ATRX: variants seen among roughly 807,000 people sequenced by gnomAD.
ATRX encodes the protein ATRX chromatin remodeler.
A neutral mutation model predicts 172.6 loss-of-function variants in ATRX; 12 were observed. That is an observed-to-expected ratio of 0.07 (90% CI 0.04 to 0.11). The LOEUF (loss-of-function observed/expected upper bound fraction) is 0.11, where lower values mean the gene tolerates loss of function less well. Among genes scored for constraint, ATRX ranks in the 10% least tolerant of loss-of-function variants. ATRX has a pLI of 1.00. For synonymous variants in ATRX, 674 were observed against 594.7 expected, an observed-to-expected ratio of 1.13 and a Z score of -1.94; for missense variants, 1,368 against 1,767.4, an observed-to-expected ratio of 0.77 and a Z score of 4.05.
intron 30 of ATRX, among the ~76,000 whole-genome samples, chrX:77,526,662 TAAA>T (rs1161472115): frequency 8.9e-6 from 1 of 112,422 alleles, no homozygotes; most frequent in African/African-American, 3.2e-5. Flanking sequence ...AAAGAAAACA[TAAA>T]AACTGAAACA....
At chrX:77,561,306 AACAC>A (rs1203246382) in intron 28 of ATRX, among the ~76,000 whole-genome samples, 1 of 110,720 alleles carries the variant, frequency 9.0e-6, no homozygotes, top group East Asian at 2.8e-4. Context: ...TAGGTTAAAA[AACAC>A]ACATACATAC....
In ATRX at chrX:77,775,485, C is replaced by A. The variant is rs189969701; in HGVS notation, c.20+10497G>T. 1.9e-3 allele frequency among the ~76,000 whole-genome samples: 209 copies of A among 110,414 alleles called. 2 individuals are homozygous for A. The highest frequency in any genetic ancestry group is 2.9e-3 in the Non-Finnish European group (151 of 52,906). On this transcript the variant is annotated intron_variant, in intron 1 of 34. Coordinates refer to ENST00000373344, the MANE Select transcript of ATRX (RefSeq NM_000489.6). ...ATAGCTTGAGTCCAGGAGTTCGATA[C>A]CAGCCTGGGCAACATGGCAAAAACT... is the stretch of plus-strand genomic sequence containing the variant.
chrX:77,663,654 A>G (rs1353781555), intron 11 of ATRX, 96 bp from the exon 12 acceptor site: 21 of 736,494 alleles, frequency 2.9e-5, no homozygotes, highest in Non-Finnish European at 2.0e-6. Context: ...ACTTATGAAA[A>G]AAATCAGAGT....
At position 77,558,768 on chromosome X, in the gene ATRX, G is replaced by A. The variant is rs148659669; in HGVS notation, c.6405C>T (p.Phe2135=). Residue 2135 remains phenylalanine, a synonymous_variant, in exon 29 of 35, where the codon TTC becomes TTT. Transcript: ENST00000373344. ...NLVAANRVII[F]DASWNPSYDI... ...CATAAGATGGATTCCAAGAAGCGTC[G>A]AATATAATTACTCGATTAGCAGCTA... The A allele has an allele frequency of 1.4e-4, 165 of 1,200,502 alleles. No individual in the cohort carries two copies. The Admixed American group carries it at 2.7e-3, about 20-fold the overall frequency.
intron 1 of ATRX, among the ~76,000 whole-genome samples, chrX:77,758,280 C>T (rs2075584238): frequency 9.3e-6 from 1 of 107,472 alleles, no homozygotes; most frequent in Non-Finnish European, 1.9e-5. Flanking sequence ...ATCCCAGCTA[C>T]TCTGGAAGCT....
In ATRX at chrX:77,683,947, C is replaced by G; in HGVS notation, c.1309G>C (p.Ala437Pro). Residue 437 changes from alanine (A) to proline (P), a missense_variant, in exon 9 of 35, where the codon GCT becomes CCT. Ala to Pro is a conservative substitution (Grantham distance 27). Coordinates refer to ENST00000373344, the MANE Select transcript of ATRX (RefSeq NM_000489.6). ...KNTKEHKVID[A>P]KFETKARKGE... ...TTTCGTGCTTTTGTTTCAAACTTAG[C>G]ATCTATGACTTTATGCTCTTTGGTA... 2 of 1,210,549 alleles carry G rather than the reference C, an allele frequency of 1.7e-6. No individual in the cohort carries two copies. Among genetic ancestry groups the G allele is most frequent in the Non-Finnish European group, 1.1e-6 (1 of 894,684 alleles).
chrX:77,684,652 G>T (rs898833731), intron 8 of ATRX, 59 bp from the exon 9 acceptor site: 7 of 1,092,359 alleles, frequency 6.4e-6, no homozygotes, highest in Non-Finnish European at 8.8e-6. Context: ...GAAAAGATAT[G>T]TAAAAAAATA....
chrX:77,537,541 A>C (rs2063793353), intron 30 of ATRX, among the ~76,000 whole-genome samples: 1 of 111,182 alleles, frequency 9.0e-6, no homozygotes, highest in African/African-American at 3.3e-5. Flanking sequence ...AAGAAAAAAA[A>C]AGAAAGAAAA....
At chrX:77,672,505 C>G (rs2070675866) in intron 10 of ATRX, among the ~76,000 whole-genome samples, 1 of 109,217 alleles carries the variant, frequency 9.2e-6, no homozygotes, top group Admixed American at 9.8e-5. Flanking sequence ...AACAGCATAC[C>G]CACACCAAGC....
intron 34 of ATRX, among the ~76,000 whole-genome samples, chrX:77,514,007 A>G (rs928625939): frequency 1.8e-5 from 2 of 111,165 alleles, no homozygotes; most frequent in Admixed American, 1.9e-4. Flanking sequence ...CCCATTCACA[A>G]CTGCCACAAT....
chrX:77,779,513 A>C (rs781803693), intron 1 of ATRX, among the ~76,000 whole-genome samples: 3 of 111,436 alleles, frequency 2.7e-5, no homozygotes, highest in Non-Finnish European at 5.6e-5. Flanking sequence ...TCTCCTTTGC[A>C]AAACTTTCCT....
chrX:77,738,954 C>A lies in ATRX; in HGVS notation c.21-21711G>T, dbSNP rs782329365. ...CTTTTTCATCTTTGTTCTTTGCCAT[C>A]TTTGTTACTGTCTTATTTACATTTG... On this transcript the variant is annotated intron_variant, in intron 1 of 34. Transcript: ENST00000373344. Among the ~76,000 whole-genome samples the A allele has an allele frequency of 5.4e-5, 6 of 111,662 alleles. No individual in the cohort carries two copies. The South Asian group carries it at 2.2e-3, about 42-fold the overall frequency.
In ATRX at chrX:77,772,871, G is replaced by A. The variant is rs782533179; in HGVS notation, c.20+13111C>T. Among the ~76,000 whole-genome samples, 459 of 103,565 alleles carry A rather than the reference G, an allele frequency of 4.4e-3. 2 individuals carry two copies. The highest frequency in any genetic ancestry group is 0.015 in the African/African-American group (434 of 28,231). 89.9% of individuals were successfully genotyped at this position (103,565 alleles called of 115,157 possible). On this transcript the variant is annotated intron_variant, in intron 1 of 34. Coordinates refer to ENST00000373344, the MANE Select transcript of ATRX (RefSeq NM_000489.6). ...CAATTTTTTTTTTTTTTTGAGAGACGGGGTCTTGCTCTGTCTCCCAGGCTA... is the reference window on the plus strand; with the variant it reads ...CAATTTTTTTTTTTTTTTGAGAGACAGGGTCTTGCTCTGTCTCCCAGGCTA...
At chrX:77,652,632 T>C (rs1298472208) in intron 14 of ATRX, among the ~76,000 whole-genome samples, 2 of 106,549 alleles carry the variant, frequency 1.9e-5, no homozygotes, top group Non-Finnish European at 3.9e-5. Context: ...AAACCCCGTC[T>C]CTACTAAAAA....
intron 1 of ATRX, among the ~76,000 whole-genome samples, chrX:77,721,228 T>C (rs1350370543): frequency 9.0e-6 from 1 of 111,637 alleles, no homozygotes; most frequent in African/African-American, 3.3e-5. Context: ...TCATACTGAA[T>C]GGGCAAAAAC....
chrX:77,684,890 C>A, intron 8 of ATRX, 49 bp downstream of exon 8: 1 of 1,052,543 alleles, frequency 9.5e-7, no homozygotes, highest in Non-Finnish European at 1.3e-6. Flanking sequence ...TGTAACAATT[C>A]CTCCCAAAAG....
rs781829722 is a variant in ATRX at position 77,752,518 on chromosome X, G to C, written c.20+33464C>G. Among the ~76,000 whole-genome samples the C allele has an allele frequency of 4.5e-5, 5 of 112,154 alleles. No homozygotes were observed. In the East Asian group the frequency reaches 1.4e-3, roughly 31 times the overall value. ...TCCAACACTATGTTGAATAGGAGTG[G>C]TGAGAGAGGGCATCCTTGTCTTGTG... is the stretch of plus-strand genomic sequence containing the variant. On this transcript the variant is annotated intron_variant, in intron 1 of 34. Transcript: ENST00000373344.
At chrX:77,771,800 G>A (rs1250210869) in intron 1 of ATRX, among the ~76,000 whole-genome samples, 1 of 111,011 alleles carries the variant, frequency 9.0e-6, no homozygotes. Flanking sequence ...CCGCCCACAG[G>A]GAACATCTGG....
chrX:77,602,516 C>A (rs1228985197), intron 22 of ATRX, among the ~76,000 whole-genome samples: 3 of 108,946 alleles, frequency 2.8e-5, no homozygotes, highest in Non-Finnish European at 5.7e-5. Flanking sequence ...AATTTGAGAT[C>A]TTTCTTCTTT....
Sources: gnomAD v4.1 joint callset for allele counts (sites outside exome capture counted in the v4.1 genomes callset) on GRCh38, gnomAD v4.1.1 for gene constraint, MANE v1.5 for transcripts, NCBI Gene and HGNC (gene_info 2026-07-23, HGNC 2026-07-21) for gene names.